The following CCSER1 variants were observed in gnomAD, a reference collection of about 807,000 sequenced individuals.
CCSER1 encodes the protein serine-rich coiled-coil domain-containing protein 1.
In CCSER1, 41 loss-of-function variants were observed where a neutral mutation model predicts 82.0. The observed-to-expected ratio is 0.50, with a 90% CI of 0.39 to 0.65. The LOEUF is 0.65. CCSER1 is among the 30% of genes least tolerant of loss of function. The pLI is 0.00. For synonymous variants in CCSER1, 414 were observed against 383.9 expected (o/e 1.08, Z -0.92); for missense variants, 1,119 against 1,064.2 (o/e 1.05, Z -0.72).
chr4:90,352,813 T>C lies in CCSER1; in HGVS notation c.1509+39766T>C, dbSNP rs376006287. On this transcript the variant is annotated intron_variant, in intron 3 of 10. Coordinates refer to ENST00000509176, the MANE Select transcript of CCSER1 (RefSeq NM_001145065.2). The stretch of plus-strand genomic sequence containing the variant: ...ACCTTGAGGACTAAGGAAAACAATG[T>C]TGTTAAGGCACTTAGTAAAGTATAC... Among the ~76,000 whole-genome samples, 287 of 152,294 alleles carry C rather than the reference T, an allele frequency of 1.9e-3. 1 individual carries two copies. Among genetic ancestry groups the C allele is most frequent in the African/African-American group, 6.0e-3 (251 of 41,552 alleles).
At chr4:90,317,338 G>A (rs550047643) in intron 3 of CCSER1, among the ~76,000 whole-genome samples, 8 of 152,252 alleles carry the variant, frequency 5.3e-5, no homozygotes, top group East Asian at 3.9e-4. Flanking sequence ...ACCGCTGGGC[G>A]TGGTGGCTCA....
chr4:91,441,711 T>A (rs1191581298), intron 10 of CCSER1, among the ~76,000 whole-genome samples: 2 of 152,104 alleles, frequency 1.3e-5, no homozygotes, highest in East Asian at 3.9e-4. Flanking sequence ...TGACTGTATA[T>A]CTAGAAAACC....
At chr4:91,269,096 C>A (rs1055768670) in intron 10 of CCSER1, among the ~76,000 whole-genome samples, 2 of 152,188 alleles carry the variant, frequency 1.3e-5, no homozygotes, top group African/African-American at 4.8e-5. Flanking sequence ...AAATTCTGTA[C>A]ACTGTCTGGT....
chr4:90,730,233 T>C (rs1004253462), intron 7 of CCSER1, among the ~76,000 whole-genome samples: 23 of 152,338 alleles, frequency 1.5e-4, no homozygotes, highest in Non-Finnish European at 2.6e-4. Context: ...CACAACATCA[T>C]CTGTTGTGTA....
At chr4:90,568,822 G>A (rs1455118984) in intron 5 of CCSER1, among the ~76,000 whole-genome samples, 2 of 150,228 alleles carry the variant, frequency 1.3e-5, no homozygotes, top group African/African-American at 2.5e-5. Context: ...CAATGCAGTG[G>A]CACCGTGCCG....
At chr4:91,188,580 AT>A (rs35860240) in intron 10 of CCSER1, among the ~76,000 whole-genome samples, 6 of 152,158 alleles carry the variant, frequency 3.9e-5, no homozygotes, top group East Asian at 3.9e-4. Context: ...AGTGATAAAT[AT>A]TTTTTAATGC....
intron 9 of CCSER1, among the ~76,000 whole-genome samples, chr4:90,939,409 T>C (rs1731334791): frequency 6.6e-6 from 1 of 152,216 alleles, no homozygotes; most frequent in African/African-American, 2.4e-5. Flanking sequence ...TTGAATTGCT[T>C]CCTGATTTCT....
intron 10 of CCSER1, among the ~76,000 whole-genome samples, chr4:91,298,639 A>C (rs1375464845): frequency 1.3e-5 from 2 of 152,056 alleles, no homozygotes; most frequent in East Asian, 3.9e-4. Flanking sequence ...TATGAAAGTA[A>C]GAGTAAAAAT....
intron 8 of CCSER1, among the ~76,000 whole-genome samples, chr4:90,853,105 A>C (rs1047878733): frequency 5.3e-4 from 80 of 152,260 alleles, no homozygotes; most frequent in African/African-American, 1.9e-3. Context: ...ACCACAAAAA[A>C]AAACAAAAAC....
chr4:90,611,774 A>T (rs956949986), intron 5 of CCSER1, among the ~76,000 whole-genome samples: 1 of 148,046 alleles, frequency 6.8e-6, no homozygotes, highest in Non-Finnish European at 1.5e-5. Context: ...ATATATGTAG[A>T]AACAGGCTTT....
At chr4:91,077,400 A>G (rs969424604) in intron 9 of CCSER1, among the ~76,000 whole-genome samples, 8 of 152,368 alleles carry the variant, frequency 5.3e-5, no homozygotes, top group African/African-American at 1.9e-4. Context: ...ATATCTGGCA[A>G]CCAATAAAAA....
intron 1 of CCSER1, among the ~76,000 whole-genome samples, chr4:90,153,700 G>A (rs1727380252): frequency 6.6e-6 from 1 of 152,132 alleles, no homozygotes; most frequent in African/African-American, 2.4e-5. Context: ...AGAAGTGTCT[G>A]TTCATATCCT....
chr4:91,041,154 G>T (rs888186450), intron 9 of CCSER1, among the ~76,000 whole-genome samples: 1 of 152,168 alleles, frequency 6.6e-6, no homozygotes, highest in Non-Finnish European at 1.5e-5. Context: ...GAGGAATCAG[G>T]AAAGCAATGG....
Position 90,393,409 on chromosome 4 carries a change from G to T in CCSER1, c.1510-6627G>T, listed in dbSNP as rs184828807. Among the ~76,000 whole-genome samples, 829 of 152,238 alleles carry T rather than the reference G, an allele frequency of 5.4e-3. 2 individuals are homozygous for T. Among genetic ancestry groups the T allele is most frequent in the Non-Finnish European group, 9.2e-3 (625 of 68,008 alleles). ...AGTGGAGACGGAAATGTATATCTTGGCAGCACCTGATCGTAAGGTAGAATG... is the reference window on the plus strand; with the variant it reads ...AGTGGAGACGGAAATGTATATCTTGTCAGCACCTGATCGTAAGGTAGAATG... On this transcript the variant is annotated intron_variant, in intron 3 of 10. Transcript: ENST00000509176.
At chr4:90,333,532 G>C (rs1739771073) in intron 3 of CCSER1, among the ~76,000 whole-genome samples, 1 of 152,184 alleles carries the variant, frequency 6.6e-6, no homozygotes, top group Non-Finnish European at 1.5e-5. Context: ...GTCACTTTGA[G>C]ATCCAAGAAG....
At chr4:90,387,419 GA>G in intron 3 of CCSER1, among the ~76,000 whole-genome samples, 1 of 152,274 alleles carries the variant, frequency 6.6e-6, no homozygotes, top group South Asian at 2.1e-4. Context: ...CCTTGCCAAA[GA>G]AAAGAGGTCT....
intron 10 of CCSER1, among the ~76,000 whole-genome samples, chr4:91,162,136 A>G (rs1017966133): frequency 6.6e-6 from 1 of 152,190 alleles, no homozygotes; most frequent in Non-Finnish European, 1.5e-5. Flanking sequence ...AGTTTTTAGC[A>G]TGAAGCACTG....
At chr4:91,184,313 CT>C (rs1347550878) in intron 10 of CCSER1, among the ~76,000 whole-genome samples, 1 of 152,216 alleles carries the variant, frequency 6.6e-6, no homozygotes, top group Non-Finnish European at 1.5e-5. Flanking sequence ...AGGTTGTTTA[CT>C]GCAGGAATTG....
At chr4:90,275,938 A>G (rs976326346) in intron 1 of CCSER1, among the ~76,000 whole-genome samples, 1 of 152,198 alleles carries the variant, frequency 6.6e-6, no homozygotes, top group Non-Finnish European at 1.5e-5. Context: ...TAAATTTTAT[A>G]TACTGAAATG....
Sources: gnomAD v4.1 joint callset for allele counts (sites outside exome capture counted in the v4.1 genomes callset) on GRCh38, gnomAD v4.1.1 for gene constraint, MANE v1.5 for transcripts, NCBI Gene and HGNC (gene_info 2026-07-23, HGNC 2026-07-21) for gene names.